SRPRB: variants seen among roughly 807,000 people sequenced by gnomAD.
SRPRB encodes signal recognition particle receptor subunit beta.
In SRPRB, 20 loss-of-function variants were observed where a neutral mutation model predicts 31.9. The observed-to-expected ratio is 0.63, with a 90% CI of 0.44 to 0.91. The LOEUF (loss-of-function observed/expected upper bound fraction) is 0.91, where lower values mean the gene tolerates loss of function less well. Among genes scored for constraint, SRPRB ranks in the 40% least tolerant of loss-of-function variants. The pLI is 0.00. For synonymous variants in SRPRB, 146 were observed against 132.8 expected (o/e 1.10, Z -0.68); for missense variants, 321 against 324.9 (o/e 0.99, Z 0.09).
At chr3:133,822,846 C>A (rs555472216), downstream of SRPRB, among the ~76,000 whole-genome samples, 3 of 152,316 alleles carry the variant, frequency 2.0e-5, no homozygotes, top group Admixed American at 2.0e-4. Context: ...ACCCACCTAC[C>A]TTCATTTAAA....
chr3:133,827,532 GC>G (rs1469969789), downstream of SRPRB: 5 of 216,312 alleles, frequency 2.3e-5, no homozygotes, highest in South Asian at 5.1e-4. Context: ...CTGGGGGCAA[GC>G]AGCCTTCTGG....
chr3:133,825,188 A>T (rs893056108), downstream of SRPRB: 2 of 151,956 alleles, frequency 1.3e-5, no homozygotes, highest in Admixed American at 6.6e-5. Flanking sequence ...TGACATCCTC[A>T]CCTGCCTTCC....
Position 133,819,592 on chromosome 3 carries a change from A to T in SRPRB, c.642A>T (p.Thr214=). ...TTACCCGTTCTGCTGCCCCCAGCACACTGGACAGTTCCAGCACTGCCCCTG... is the reference window on the plus strand; with the variant it reads ...TTACCCGTTCTGCTGCCCCCAGCACTCTGGACAGTTCCAGCACTGCCCCTG... ...LRVTRSAAPS[T]LDSSSTAPAQ... The change falls in exon 7 of 7, where the codon ACA becomes ACT. Residue 214 remains threonine, a synonymous_variant. Coordinates refer to ENST00000678299, the MANE Select transcript of SRPRB (RefSeq NM_001379313.1). The T allele has an allele frequency of 1.2e-6, 2 of 1,614,202 alleles. No individual in the cohort carries two copies. Among genetic ancestry groups the T allele is most frequent in the Non-Finnish European group, 1.7e-6 (2 of 1,180,038 alleles).
intron 6 of SRPRB, among the ~76,000 whole-genome samples, chr3:133,817,831 T>C (rs1218667223): frequency 6.6e-6 from 1 of 152,168 alleles, no homozygotes; most frequent in Non-Finnish European, 1.5e-5. Context: ...TAGGAGGAAA[T>C]GTGTTCCTGT....
Position 133,819,832 on chromosome 3 carries a change from T to G in SRPRB, c.*66T>G. 3.4e-6 allele frequency: 5 copies of G among 1,453,324 alleles called. No individual in the cohort carries two copies. The Admixed American group carries it at 9.4e-5, about 27-fold the overall frequency. 90.0% of individuals were successfully genotyped at this position (1,453,324 alleles called of 1,614,324 possible). ...AGTTTTGGAAAAAGGTCTGTGGTAG[T>G]CTGGAGTTGATGAGGAAGGGGTACA... On this transcript the variant is annotated 3_prime_UTR_variant, in exon 7 of 7. Transcript: ENST00000678299.
downstream of SRPRB, chr3:133,827,969 G>A (rs1363767980): frequency 1.4e-6 from 1 of 702,934 alleles, no homozygotes; most frequent in African/African-American, 1.7e-5. Flanking sequence ...CCACGCAGCT[G>A]CAATTGCCAA....
intron 4 of SRPRB, 86 bp downstream of exon 4, chr3:133,811,285 G>T: frequency 7.0e-7 from 1 of 1,419,120 alleles, no homozygotes; most frequent in Non-Finnish European, 9.9e-7. Flanking sequence ...GGTGGTGTTT[G>T]GGAGGCAGCA....
chr3:133,816,964 T>G (rs1432732352), intron 6 of SRPRB, 32 bp downstream of exon 6: 2 of 1,579,908 alleles, frequency 1.3e-6, no homozygotes, highest in Non-Finnish European at 1.7e-6. Context: ...TGGTTAATTA[T>G]ATATCTTAAC....
At chr3:133,827,914 A>G (rs1935595518), downstream of SRPRB, 1 of 702,742 alleles carries the variant, frequency 1.4e-6, no homozygotes, top group African/African-American at 1.7e-5. Context: ...GCTGGTTAAA[A>G]TATTTTCAGA....
chr3:133,824,462 T>G (rs1274739688), downstream of SRPRB: 1 of 152,260 alleles, frequency 6.6e-6, no homozygotes, highest in East Asian at 1.9e-4. Context: ...TGGCCTTCAA[T>G]GCTATGGAGG....
At position 133,805,838 on chromosome 3, in the gene SRPRB, G is replaced by C. The variant is rs1443951889; in HGVS notation, c.-11G>C. The C allele has an allele frequency of 2.5e-6, 4 of 1,603,202 alleles. No homozygotes were observed. The highest frequency in any genetic ancestry group is 2.6e-6 in the Non-Finnish European group (3 of 1,174,848). On this transcript the variant is annotated 5_prime_UTR_variant, in exon 1 of 7. Coordinates refer to ENST00000678299, the MANE Select transcript of SRPRB (RefSeq NM_001379313.1). ...TCGCTTTTGCTGTACCGGGGACCAC[G>C]CGTCTCATCCATGGCTTCCGCGGAC...
upstream of SRPRB, among the ~76,000 whole-genome samples, chr3:133,800,845 A>C (rs1047609280): frequency 1.3e-5 from 2 of 152,176 alleles, no homozygotes; most frequent in Non-Finnish European, 2.9e-5. Flanking sequence ...CTGTTCAGGG[A>C]TGGGGAATAC....
chr3:133,810,940 C>A, intron 3 of SRPRB, 177 bp from the exon 4 acceptor site: 2 of 521,590 alleles, frequency 3.8e-6, no homozygotes, highest in Non-Finnish European at 6.5e-6. Flanking sequence ...GGAACCGTGT[C>A]TTTGGCCACT....
chr3:133,803,033 C>T (rs537802533), upstream of SRPRB, among the ~76,000 whole-genome samples: 29 of 152,180 alleles, frequency 1.9e-4, no homozygotes, highest in Non-Finnish European at 2.6e-4. Flanking sequence ...CTAATCACAT[C>T]CTACGTATTT....
intron 3 of SRPRB, 122 bp from the exon 4 acceptor site, chr3:133,810,995 G>C: frequency 1.1e-6 from 1 of 904,340 alleles, no homozygotes; most frequent in Non-Finnish European, 1.7e-6. Flanking sequence ...AGTAGAAGAT[G>C]CTTTGTGAAC....
At chr3:133,787,661 G>A (rs533678278) in intron 1 of SRPRB, 3 of 152,322 alleles carry the variant, frequency 2.0e-5, no homozygotes, top group African/African-American at 7.2e-5. Flanking sequence ...GTTGAGGAAG[G>A]TGAGAGGGAA....
intron 1 of SRPRB, chr3:133,792,399 C>G (rs1037164225): frequency 6.6e-5 from 10 of 152,078 alleles, no homozygotes; most frequent in African/African-American, 2.4e-4. Context: ...GTGATTAGAC[C>G]TCCTAAATGC....
downstream of SRPRB, chr3:133,824,221 C>T (rs1419058940): frequency 2.6e-5 from 4 of 152,264 alleles, no homozygotes; most frequent in African/African-American, 7.2e-5. Context: ...ACCACTTAAA[C>T]ACAGACAAGA....
intron 1 of SRPRB, chr3:133,795,433 C>G (rs1317768211): frequency 6.6e-6 from 1 of 152,112 alleles, no homozygotes; most frequent in Non-Finnish European, 1.5e-5. Context: ...GAAATTGCAG[C>G]CATGAGGACA....
Sources: gnomAD v4.1 joint callset for allele counts (sites outside exome capture counted in the v4.1 genomes callset) on GRCh38, gnomAD v4.1.1 for gene constraint, MANE v1.5 for transcripts, NCBI Gene and HGNC (gene_info 2026-07-23, HGNC 2026-07-21) for gene names.